Variants in DENND2A observed in about 807,000 individuals in gnomAD.
The protein encoded by DENND2A is DENN domain-containing protein 2A.
In DENND2A, 53 loss-of-function variants were observed where a neutral mutation model predicts 105.3. That is an observed-to-expected ratio of 0.50 (90% CI 0.40 to 0.63). The LOEUF is 0.63. DENND2A is among the 30% of genes least tolerant of loss of function. The probability of loss-of-function intolerance (pLI) is 0.00; values close to 1 mark genes in which losing one functional copy is unlikely to be tolerated. For synonymous variants in DENND2A, 522 were observed against 508.4 expected, an observed-to-expected ratio of 1.03 and a Z score of -0.36; for missense variants, 1,138 against 1,279.6, an observed-to-expected ratio of 0.89 and a Z score of 1.69.
chr7:140,598,002 G>C (rs1799347859), intron 3 of DENND2A, among the ~76,000 whole-genome samples: 1 of 145,296 alleles, frequency 6.9e-6, no homozygotes, highest in Non-Finnish European at 1.5e-5. Context: ...CAATCATCCT[G>C]TATGTATTCT....
chr7:140,536,871 C>T (rs970126438), intron 14 of DENND2A, among the ~76,000 whole-genome samples: 10 of 151,888 alleles, frequency 6.6e-5, no homozygotes, highest in Admixed American at 2.0e-4. Context: ...CCATGTTGGC[C>T]AGGCTGGTCT....
intron 1 of DENND2A, among the ~76,000 whole-genome samples, chr7:140,611,778 G>A (rs972893673): frequency 3.9e-5 from 6 of 152,178 alleles, no homozygotes; most frequent in South Asian, 2.1e-4. Flanking sequence ...TCACAGAGAC[G>A]GATGGTAGAT....
At chr7:140,563,900 G>T (rs570133933) in intron 9 of DENND2A, among the ~76,000 whole-genome samples, 31 of 152,060 alleles carry the variant, frequency 2.0e-4, no homozygotes, top group Non-Finnish European at 4.6e-4. Flanking sequence ...GCTCACTTGA[G>T]CCCAGGAGGT....
chr7:140,529,801 G>A (rs1241049501), intron 14 of DENND2A, among the ~76,000 whole-genome samples: 1 of 151,966 alleles, frequency 6.6e-6, no homozygotes, highest in Non-Finnish European at 1.5e-5. Context: ...TGTGGGGTAG[G>A]GGGACGGGGG....
At chr7:140,594,552 C>A (rs1174208455) in intron 3 of DENND2A, among the ~76,000 whole-genome samples, 1 of 152,202 alleles carries the variant, frequency 6.6e-6, no homozygotes, top group East Asian at 1.9e-4. Context: ...GGATTCCTCA[C>A]AGCACTGACA....
intron 13 of DENND2A, among the ~76,000 whole-genome samples, chr7:140,545,730 C>A (rs1210588328): frequency 1.3e-5 from 2 of 152,174 alleles, no homozygotes; most frequent in Non-Finnish European, 2.9e-5. Context: ...CAAGTTGGTA[C>A]CCATGTGCAT....
intron 3 of DENND2A, among the ~76,000 whole-genome samples, chr7:140,599,699 T>C (rs560226457): frequency 7.2e-5 from 11 of 151,970 alleles, no homozygotes; most frequent in Non-Finnish European, 1.2e-4. Flanking sequence ...CATATATATA[T>C]ACAAATATAT....
rs371749260 is a variant in DENND2A, at chr7:140,523,454, T to C, written c.2548-30A>G. The C allele has an allele frequency of 3.6e-5, 57 of 1,601,532 alleles. No homozygotes were observed. The highest frequency in any genetic ancestry group is 4.7e-5 in the Non-Finnish European group (55 of 1,169,194). ...AAAGCAGAGGTAGCAGGTGGGCTTA[T>C]GGGCACGGTGGCTGCGTCTTGGCCA... On this transcript the variant is annotated intron_variant, in intron 16 of 19. Transcript: ENST00000496613. The surrounding 1 kb of genome is among the most constrained non-coding windows in gnomAD (Gnocchi z 4.5).
At chr7:140,618,815 T>C (rs2130716178) in intron 1 of DENND2A, among the ~76,000 whole-genome samples, 1 of 152,158 alleles carries the variant, frequency 6.6e-6, no homozygotes, top group African/African-American at 2.4e-5. Context: ...TTTTTTTTTC[T>C]TTTTCTGAGA....
At chr7:140,609,470 C>T (rs984916779) in intron 1 of DENND2A, among the ~76,000 whole-genome samples, 2 of 152,052 alleles carry the variant, frequency 1.3e-5, no homozygotes, top group Non-Finnish European at 2.9e-5. Context: ...CCGAGATCGC[C>T]CCACTGTACT....
chr7:140,624,943 T>G (rs1800461867), intron 1 of DENND2A, among the ~76,000 whole-genome samples: 1 of 150,942 alleles, frequency 6.6e-6, no homozygotes, highest in Non-Finnish European at 1.5e-5. Flanking sequence ...TGAATACAGC[T>G]TCGACCTTAT....
At chr7:140,605,989 G>A (rs540929805) in intron 1 of DENND2A, among the ~76,000 whole-genome samples, 183 bp from the exon 2 acceptor site, 12 of 152,136 alleles carry the variant, frequency 7.9e-5, no homozygotes, top group Non-Finnish European at 1.0e-4. Flanking sequence ...GTGCAATCCC[G>A]ATGTCCGCCC....
intron 3 of DENND2A, among the ~76,000 whole-genome samples, chr7:140,593,245 G>T (rs1451152852): frequency 6.6e-6 from 1 of 152,218 alleles, no homozygotes; most frequent in East Asian, 1.9e-4. Flanking sequence ...GCTCAAAGTG[G>T]GTGATACAAA....
chr7:140,555,721 G>A lies in DENND2A; in HGVS notation c.1960-8C>T. Reference sequence around the variant, plus strand: ...CTTCCCTTTGCCTCCAGGCTTTTCGGAGAGAAACACAAGGGAATTATGAGT... The same window carrying A: ...CTTCCCTTTGCCTCCAGGCTTTTCGAAGAGAAACACAAGGGAATTATGAGT... On this transcript the variant is annotated splice_polypyrimidine_tract_variant and splice_region_variant and intron_variant, in intron 11 of 19. Coordinates refer to ENST00000496613, the MANE Select transcript of DENND2A (RefSeq NM_015689.5). 6.3e-7 allele frequency: 1 copy of A among 1,594,256 alleles called. No homozygotes were observed. The highest frequency in any genetic ancestry group is 8.5e-7 in the Non-Finnish European group (1 of 1,174,574).
At chr7:140,518,862 C>T in intron 19 of DENND2A, 124 bp from the exon 20 acceptor site, 1 of 798,040 alleles carries the variant, frequency 1.3e-6, no homozygotes, top group Non-Finnish European at 2.1e-6. Context: ...GGAGCCTCAT[C>T]CCTTGCTCTG....
chr7:140,624,987 A>T (rs1456665147), intron 1 of DENND2A, among the ~76,000 whole-genome samples: 3 of 151,266 alleles, frequency 2.0e-5, no homozygotes, highest in Non-Finnish European at 4.4e-5. Flanking sequence ...CCTCCCAAGT[A>T]GCTGGAATGA....
At chr7:140,528,156 A>G (rs1353951043) in intron 14 of DENND2A, among the ~76,000 whole-genome samples, 1 of 151,944 alleles carries the variant, frequency 6.6e-6, no homozygotes. Flanking sequence ...TAAGGTTTTA[A>G]TTTATATTCA....
intron 12 of DENND2A, among the ~76,000 whole-genome samples, chr7:140,548,564 A>C (rs551115064): frequency 6.6e-6 from 1 of 152,186 alleles, no homozygotes; most frequent in South Asian, 2.1e-4. Context: ...ACATGTAGCT[A>C]TTGAGCCCTT....
At position 140,518,750 on chromosome 7, in the gene DENND2A, G is replaced by GA; in HGVS notation, c.2999-13dup. On this transcript the variant is annotated splice_polypyrimidine_tract_variant and intron_variant, in intron 19 of 19. Coordinates refer to ENST00000496613, the MANE Select transcript of DENND2A (RefSeq NM_015689.5). ...TTTCATTTTATTGCCTAAAAAAAAG[G>GA]AAAATGAGAACATTTCACAAGGCAG... is the stretch of plus-strand genomic sequence containing the variant. The GA allele has an allele frequency of 3.7e-6, 6 of 1,612,560 alleles. No homozygotes were observed. The highest frequency in any genetic ancestry group is 5.1e-6 in the Non-Finnish European group (6 of 1,178,628).
Sources: allele counts gnomAD v4.1 joint callset (sites outside exome capture counted in the v4.1 genomes callset), GRCh38; gene constraint gnomAD v4.1.1; non-coding constraint Gnocchi (gnomAD v3.1); transcripts MANE v1.5; gene names NCBI Gene and HGNC (gene_info 2026-07-23, HGNC 2026-07-21).